Variants in TMTC3 observed in about 807,000 individuals in gnomAD.
TMTC3 encodes transmembrane O-mannosyltransferase targeting cadherins 3.
A neutral mutation model predicts 92.2 loss-of-function variants in TMTC3; 52 were observed. The observed-to-expected ratio is 0.56, with a 90% CI of 0.45 to 0.71. The LOEUF is 0.71. Among genes scored for constraint, TMTC3 ranks in the 30% least tolerant of loss-of-function variants. TMTC3 has a pLI of 0.00. For synonymous variants in TMTC3, 339 were observed against 363.3 expected, an observed-to-expected ratio of 0.93 and a Z score of 0.76; for missense variants, 896 against 1,057.1, an observed-to-expected ratio of 0.85 and a Z score of 2.11.
chr12:88,166,376 A>G lies in TMTC3; in HGVS notation c.844A>G (p.Thr282Ala). 1 of 1,613,964 alleles carries G rather than the reference A, an allele frequency of 6.2e-7. No individual in the cohort carries two copies. Among genetic ancestry groups the G allele is most frequent in the Non-Finnish European group, 8.5e-7 (1 of 1,179,928 alleles). Reference protein sequence around the residue: ...AVSPTPTRQLTFNYLLPVNAW... With the variant: ...AVSPTPTRQLAFNYLLPVNAW... Reference sequence around the variant, plus strand: ...AAGCCCAACTCCTACAAGGCAACTAACTTTTAACTACCTCCTTCCTGTGAA... The same window carrying G: ...AAGCCCAACTCCTACAAGGCAACTAGCTTTTAACTACCTCCTTCCTGTGAA... The change falls in exon 7 of 14, where the codon ACT becomes GCT. Residue 282 changes from threonine (T) to alanine (A), a missense_variant. Thr to Ala is a moderately conservative substitution (Grantham distance 58). Transcript: ENST00000266712.
chr12:88,149,515 C>A (rs2040915454), intron 2 of TMTC3, among the ~76,000 whole-genome samples: 1 of 151,982 alleles, frequency 6.6e-6, no homozygotes, highest in African/African-American at 2.4e-5. Flanking sequence ...CTAAATTTCC[C>A]AGGTGGAAAA....
rs755617518 is a variant in TMTC3 at position 88,160,225 on chromosome 12, A to G, written c.620A>G (p.Gln207Arg). The G allele has an allele frequency of 3.5e-5, 53 of 1,525,244 alleles. No individual in the cohort carries two copies. The highest frequency in any genetic ancestry group is 1.7e-4 in the Middle Eastern group (1 of 5,792). The allele number at this position is 1,525,244 out of a possible 1,614,324, so 94.5% of individuals were successfully genotyped here. The change falls in exon 5 of 14, where the codon CAG becomes CGG. Residue 207 changes from glutamine to arginine, a missense_variant. By Grantham distance (43) the Gln-to-Arg change is conservative (BLOSUM62 1). Coordinates refer to ENST00000266712, the MANE Select transcript of TMTC3 (RefSeq NM_181783.4). ...ICCVYEVFIA[Q>R]GYTLPLLCTT... ...TGTGTGTATGAAGTGTTTATTGCCC[A>G]GGGGGTAAGCCAAACTATAAATATA...
chr12:88,166,388 C>T lies in TMTC3; in HGVS notation c.856C>T (p.Leu286Phe). The T allele has an allele frequency of 1.9e-6, 3 of 1,613,832 alleles. No individual in the cohort carries two copies. Among genetic ancestry groups the T allele is most frequent in the Non-Finnish European group, 2.5e-6 (3 of 1,179,910 alleles). ...TPTRQLTFNY[L>F]LPVNAWLLLN... is the part of the protein sequence containing the mutation. ...TACAAGGCAACTAACTTTTAACTAC[C>T]TCCTTCCTGTGAATGCTTGGTTGTT... is the stretch of plus-strand genomic sequence containing the variant. The change falls in exon 7 of 14, where the codon CTC (leucine) becomes TTC (phenylalanine). Residue 286 changes from leucine (L) to phenylalanine (F), a missense_variant. By Grantham distance (22) the Leu-to-Phe change is conservative. Transcript: ENST00000266712.
Position 88,190,508 on chromosome 12 carries a change from A to T in TMTC3, c.1592A>T (p.Tyr531Phe). Reference sequence around the variant, plus strand: ...ATTGCCCCTAACCACCTAAATGTTTATATCAATCTGGCTAACCTGATCCGA... The same window carrying T: ...ATTGCCCCTAACCACCTAAATGTTTTTATCAATCTGGCTAACCTGATCCGA... ...ARIAPNHLNV[Y>F]INLANLIRAN... The change falls in exon 12 of 14, where the codon TAT becomes TTT. Residue 531 changes from tyrosine (Y) to phenylalanine (F), a missense_variant. Tyr to Phe is a conservative substitution (Grantham distance 22, BLOSUM62 3). Coordinates refer to ENST00000266712, the MANE Select transcript of TMTC3 (RefSeq NM_181783.4). The T allele has an allele frequency of 6.2e-7, 1 of 1,613,966 alleles. No individual in the cohort carries two copies. Among genetic ancestry groups the T allele is most frequent in the Non-Finnish European group, 8.5e-7 (1 of 1,179,902 alleles).
Position 88,197,710 on chromosome 12 carries a change from C to T in TMTC3, c.*2061C>T, listed in dbSNP as rs932526183. ...AACTGTGCCTATTACATAAAAAGTG[C>T]TCATGTATTTGAATTTTAAATAATT... On this transcript the variant is annotated 3_prime_UTR_variant, in exon 14 of 14. Coordinates refer to ENST00000266712, the MANE Select transcript of TMTC3 (RefSeq NM_181783.4). 2.0e-5 allele frequency: 3 copies of T among 151,828 alleles called. No homozygotes were observed. Among genetic ancestry groups the T allele is most frequent in the African/African-American group, 7.3e-5 (3 of 41,366 alleles). The allele number at this position is 151,828 out of a possible 1,614,324, so 9.4% of individuals were successfully genotyped here. A position where few individuals can be genotyped will look rare whatever the true frequency, so the allele number is the denominator to read the frequency against.
intron 10 of TMTC3, among the ~76,000 whole-genome samples, chr12:88,176,993 T>C (rs1190188447): frequency 1.3e-5 from 2 of 152,118 alleles, no homozygotes; most frequent in East Asian, 1.9e-4. Flanking sequence ...GGGTATGTGG[T>C]CAAGAAAGGA....
rs569407096 is a variant in TMTC3, at chr12:88,175,102, T to C, written c.1320+375T>C. 1.5e-3 allele frequency among the ~76,000 whole-genome samples: 232 copies of C among 152,176 alleles called. 2 individuals carry two copies. The highest frequency in any genetic ancestry group is 5.4e-3 in the African/African-American group (226 of 41,542). On this transcript the variant is annotated intron_variant, in intron 9 of 13. Coordinates refer to ENST00000266712, the MANE Select transcript of TMTC3 (RefSeq NM_181783.4). ...AAAGCATCTTAAATTAGTGGCCTTT[T>C]TTCTCTCTTAATGGTACTTAAAATA...
chr12:88,192,705 T>C lies in TMTC3; in HGVS notation c.1808T>C (p.Leu603Ser). ...AATAATGCAGATCTTTGGTACAACT[T>C]GGCAATTGTACATATTGAACTTAAA... ...DRNNADLWYN[L>S]AIVHIELKEP... The change falls in exon 13 of 14, where the codon TTG becomes TCG. Residue 603 changes from leucine to serine, a missense_variant. Coordinates refer to ENST00000266712, the MANE Select transcript of TMTC3 (RefSeq NM_181783.4). 3 of 1,613,422 alleles carry C rather than the reference T, an allele frequency of 1.9e-6. No individual in the cohort carries two copies. Among genetic ancestry groups the C allele is most frequent in the Non-Finnish European group, 2.5e-6 (3 of 1,179,564 alleles).
intron 1 of TMTC3, among the ~76,000 whole-genome samples, chr12:88,143,121 T>C (rs550264337): frequency 6.6e-6 from 1 of 152,044 alleles, no homozygotes; most frequent in Non-Finnish European, 1.5e-5. Flanking sequence ...GACTTAAATC[T>C]AAATGACATT....
chr12:88,166,261 TTTAC>T (rs2041142031), intron 6 of TMTC3, 65 bp from the exon 7 acceptor site: 3 of 1,428,052 alleles, frequency 2.1e-6, no homozygotes, highest in South Asian at 1.4e-5. Flanking sequence ...TGTTTAGTGT[TTTAC>T]TTATGTAAAT....
intron 8 of TMTC3, among the ~76,000 whole-genome samples, chr12:88,174,019 A>T (rs2041232684): frequency 6.6e-6 from 1 of 152,154 alleles, no homozygotes; most frequent in Admixed American, 6.6e-5. Context: ...AGAGACTATT[A>T]ATACTAAACA....
At chr12:88,178,533 TTTTA>T (rs1438391352) in intron 10 of TMTC3, among the ~76,000 whole-genome samples, 1 of 152,020 alleles carries the variant, frequency 6.6e-6, no homozygotes, top group Non-Finnish European at 1.5e-5. Flanking sequence ...TAGTGCTATA[TTTTA>T]TTTATTTAAA....
intron 6 of TMTC3, among the ~76,000 whole-genome samples, chr12:88,164,224 A>G (rs1244196065): frequency 6.7e-6 from 1 of 149,762 alleles, no homozygotes; most frequent in Non-Finnish European, 1.5e-5. Context: ...ACTCATCAAT[A>G]TTGAAAACTG....
chr12:88,147,658 A>G (rs1009530938), intron 1 of TMTC3, among the ~76,000 whole-genome samples: 4 of 152,148 alleles, frequency 2.6e-5, no homozygotes, highest in Non-Finnish European at 4.4e-5. Flanking sequence ...GTTTATTAAT[A>G]TAGAATTTTA....
chr12:88,153,394 T>C lies in TMTC3; in HGVS notation c.293T>C (p.Ile98Thr). The part of the protein sequence containing the change: ...KPMSYHLLNM[I>T]FHAVVSVIFL... ...ATGTCATATCATCTCCTGAATATGA[T>C]TTTTCATGCTGTGGTTAGTGTGATA... Residue 98 changes from isoleucine to threonine, a missense_variant, in exon 3 of 14, where the codon ATT (isoleucine) becomes ACT (threonine). Physicochemically the swap from Ile to Thr is moderately conservative, Grantham distance 89 (BLOSUM62 -1). Transcript: ENST00000266712. The C allele has an allele frequency of 1.2e-6, 2 of 1,613,212 alleles. No individual in the cohort carries two copies. The highest frequency in any genetic ancestry group is 1.7e-6 in the Non-Finnish European group (2 of 1,179,366).
At chr12:88,158,081 T>C (rs1266728125) in intron 4 of TMTC3, among the ~76,000 whole-genome samples, 1 of 152,186 alleles carries the variant, frequency 6.6e-6, no homozygotes, top group African/African-American at 2.4e-5. Flanking sequence ...TACAATTCTT[T>C]CCTCATCTTA....
intron 6 of TMTC3, among the ~76,000 whole-genome samples, chr12:88,164,890 A>G (rs1009309560): frequency 5.9e-5 from 9 of 152,138 alleles, no homozygotes; most frequent in Non-Finnish European, 1.0e-4. Context: ...TTACTTGTTA[A>G]TATCCTGGAT....
chr12:88,144,265 G>C (rs1301723966), intron 1 of TMTC3, among the ~76,000 whole-genome samples: 1 of 152,156 alleles, frequency 6.6e-6, no homozygotes, highest in African/African-American at 2.4e-5. Flanking sequence ...ATTCAAGATG[G>C]AGTTGTTGTG....
intron 12 of TMTC3, among the ~76,000 whole-genome samples, chr12:88,192,377 TTTC>T (rs1430683846): frequency 1.3e-5 from 2 of 152,294 alleles, no homozygotes; most frequent in Admixed American, 1.3e-4. Context: ...GCATAATTTT[TTTC>T]TTCTTAAATA....
Sources: allele counts gnomAD v4.1 joint callset (sites outside exome capture counted in the v4.1 genomes callset), GRCh38; gene constraint gnomAD v4.1.1; transcripts MANE v1.5; gene names NCBI Gene and HGNC (gene_info 2026-07-23, HGNC 2026-07-21).